The following FMNL2 variants were observed in gnomAD, a reference collection of about 807,000 sequenced individuals.
The protein encoded by FMNL2 is formin like 2, also known as formin-like protein 2.
In FMNL2, 51 loss-of-function variants were observed where a neutral mutation model predicts 130.2. That is an observed-to-expected ratio of 0.39 (90% CI 0.31 to 0.49). The LOEUF (loss-of-function observed/expected upper bound fraction) is 0.49. FMNL2 is among the 20% of genes least tolerant of loss of function. The pLI, the probability that FMNL2 is intolerant of heterozygous loss-of-function variation, is 0.85. For missense variants in FMNL2, 977 were observed against 1,316.2 expected (o/e 0.74, Z 3.99); for synonymous variants, 465 against 467.1 (o/e 1.00, Z 0.06).
intron 6 of FMNL2, among the ~76,000 whole-genome samples, chr2:152,565,783 T>C (rs928889847): frequency 3.3e-5 from 5 of 151,988 alleles, no homozygotes; most frequent in Non-Finnish European, 7.4e-5. Context: ...ATGATGATGA[T>C]GACGATGATT....
chr2:152,563,976 C>T (rs1695671102), intron 6 of FMNL2, among the ~76,000 whole-genome samples: 1 of 152,164 alleles, frequency 6.6e-6, no homozygotes, highest in Non-Finnish European at 1.5e-5. Context: ...ACAGTGCATG[C>T]TGGCAGGGCA....
At chr2:152,449,588 C>T (rs904278869) in intron 1 of FMNL2, among the ~76,000 whole-genome samples, 1 of 152,128 alleles carries the variant, frequency 6.6e-6, no homozygotes. Flanking sequence ...GAGGGAAAAC[C>T]TTCCCTTTAG....
At chr2:152,613,646 C>G (rs1698799288) in intron 11 of FMNL2, among the ~76,000 whole-genome samples, 2 of 152,162 alleles carry the variant, frequency 1.3e-5, no homozygotes, top group Admixed American at 6.5e-5. Context: ...TCTTTAACTT[C>G]ATCATGTGTT....
chr2:152,561,443 T>C (rs994867892), intron 6 of FMNL2, among the ~76,000 whole-genome samples: 2 of 152,140 alleles, frequency 1.3e-5, no homozygotes, highest in African/African-American at 4.8e-5. Context: ...CTTTCATTTC[T>C]CCAGTGGTAG....
chr2:152,409,962 A>T (rs959890254), intron 1 of FMNL2, among the ~76,000 whole-genome samples: 4 of 152,186 alleles, frequency 2.6e-5, no homozygotes, highest in African/African-American at 9.7e-5. Context: ...GTAATAGTCT[A>T]GGTGTGTGAA....
chr2:152,550,963 C>T (rs1263393723), intron 4 of FMNL2, among the ~76,000 whole-genome samples: 4 of 151,932 alleles, frequency 2.6e-5, no homozygotes. Context: ...CATGGTGAAA[C>T]CCCATCTCTA....
intron 1 of FMNL2, among the ~76,000 whole-genome samples, chr2:152,465,098 G>A (rs181801751): frequency 6.6e-6 from 1 of 152,234 alleles, no homozygotes; most frequent in Non-Finnish European, 1.5e-5. Context: ...AAACAAGTGC[G>A]ATCTCATAGC....
intron 1 of FMNL2, among the ~76,000 whole-genome samples, chr2:152,375,611 A>G (rs1435317782): frequency 5.3e-5 from 6 of 112,746 alleles, no homozygotes; most frequent in South Asian, 5.4e-4. Context: ...TAAAATTTCT[A>G]TAAGTTGGAG....
At chr2:152,465,686 G>C (rs1028509007) in intron 1 of FMNL2, among the ~76,000 whole-genome samples, 1 of 152,210 alleles carries the variant, frequency 6.6e-6, no homozygotes, top group Non-Finnish European at 1.5e-5. Flanking sequence ...GGAACAGAAG[G>C]CTCAGAATTG....
chr2:152,605,056 T>C (rs1698288739), intron 9 of FMNL2, among the ~76,000 whole-genome samples: 1 of 152,036 alleles, frequency 6.6e-6, no homozygotes, highest in African/African-American at 2.4e-5. Context: ...GCTGGGCCTG[T>C]ACTGCCTCAC....
At chr2:152,338,622 A>G (rs1005084440) in intron 1 of FMNL2, among the ~76,000 whole-genome samples, 3 of 152,164 alleles carry the variant, frequency 2.0e-5, no homozygotes, top group Admixed American at 1.3e-4. Context: ...TTTTTAATAG[A>G]AAAAAATGGA....
intron 1 of FMNL2, among the ~76,000 whole-genome samples, chr2:152,382,542 A>G (rs1684531905): frequency 1.3e-5 from 2 of 152,294 alleles, no homozygotes; most frequent in South Asian, 4.1e-4. Flanking sequence ...AATAGAGGCT[A>G]AAGAGTCACT....
At chr2:152,629,792 C>T (rs891540810) in intron 19 of FMNL2, 33 bp from the exon 20 acceptor site, 1 of 1,608,648 alleles carries the variant, frequency 6.2e-7, no homozygotes. Context: ...ATGTGCTGTA[C>T]TGATGGGCTT....
intron 4 of FMNL2, among the ~76,000 whole-genome samples, chr2:152,555,231 A>T (rs1695139417): frequency 6.6e-6 from 1 of 152,114 alleles, no homozygotes; most frequent in South Asian, 2.1e-4. Context: ...GGTTTCAGGG[A>T]CCCCTAGTGG....
chr2:152,500,434 C>T (rs780849433), intron 1 of FMNL2, among the ~76,000 whole-genome samples: 8 of 152,170 alleles, frequency 5.3e-5, no homozygotes, highest in South Asian at 4.1e-4. Flanking sequence ...TGCCATCTAC[C>T]GGCTCAGAAC....
intron 1 of FMNL2, among the ~76,000 whole-genome samples, chr2:152,404,204 G>C (rs1685859984): frequency 6.6e-6 from 1 of 152,080 alleles, no homozygotes; most frequent in South Asian, 2.1e-4. Flanking sequence ...CATGTTTATT[G>C]AATGAATTAA....
intron 11 of FMNL2, 62 bp from the exon 12 acceptor site, chr2:152,614,789 G>A (rs1698864635): frequency 2.7e-6 from 4 of 1,455,680 alleles, no homozygotes; most frequent in Middle Eastern, 1.8e-4. Flanking sequence ...AGACTCTTAG[G>A]AAATGATGTT....
At chr2:152,472,352 G>A (rs1214660090) in intron 1 of FMNL2, among the ~76,000 whole-genome samples, 1 of 152,096 alleles carries the variant, frequency 6.6e-6, no homozygotes, top group Non-Finnish European at 1.5e-5. Context: ...GTGCTTTTTT[G>A]TGCAGGTCCA....
chr2:152,465,518 T>C (rs1455419515), intron 1 of FMNL2, among the ~76,000 whole-genome samples: 4 of 152,234 alleles, frequency 2.6e-5, no homozygotes, highest in African/African-American at 9.7e-5. Flanking sequence ...ATGAGGCTTT[T>C]GGATGTGAGT....
Sources: gnomAD v4.1 joint callset for allele counts (sites outside exome capture counted in the v4.1 genomes callset) on GRCh38, gnomAD v4.1.1 for gene constraint, MANE v1.5 for transcripts, NCBI Gene and HGNC (gene_info 2026-07-23, HGNC 2026-07-21) for gene names.